CPB2: variants seen among roughly 807,000 people sequenced by gnomAD.
The protein encoded by CPB2 is carboxypeptidase B2.
Under a neutral mutation model 57.0 loss-of-function variants are expected in CPB2, and 54 were observed. The observed-to-expected ratio is 0.95, with a 90% confidence interval of 0.76 to 1.19. The LOEUF (loss-of-function observed/expected upper bound fraction) is 1.19, where lower values mean the gene tolerates loss of function less well. Among genes scored for constraint, CPB2 ranks in the 50% most tolerant of loss-of-function variants. The pLI, the probability that CPB2 is intolerant of heterozygous loss-of-function variation, is 0.00. For missense variants in CPB2, 426 were observed against 512.0 expected (o/e 0.83, Z 1.62); for synonymous variants, 189 against 178.1 (o/e 1.06, Z -0.49).
chr13:46,069,296 C>T (rs777556629), intron 6 of CPB2, among the ~76,000 whole-genome samples: 3 of 152,178 alleles, frequency 2.0e-5, no homozygotes, highest in African/African-American at 4.8e-5. Context: ...GCTACAATCC[C>T]GAAGGAAGGG....
Position 46,058,207 on chromosome 13 carries a change from C to T in CPB2, c.971G>A (p.Arg324Gln), listed in dbSNP as rs376421547. 1.5e-5 allele frequency: 24 copies of T among 1,613,628 alleles called. No individual in the cohort carries two copies. Among genetic ancestry groups the T allele is most frequent in the African/African-American group, 6.7e-5 (5 of 74,878 alleles). Residue 324 changes from arginine to glutamine, a missense_variant, in exon 9 of 11, where the codon CGA (arginine) becomes CAA (glutamine). By Grantham distance (43) the Arg-to-Gln change is conservative (BLOSUM62 1). Coordinates refer to ENST00000181383, the MANE Select transcript of CPB2 (RefSeq NM_001872.5). ...TTCCTCATGGTCTTTGCTTTTACTTCGTGTATAGGAATATGGAAACACTAT... is the reference window on the plus strand; with the variant it reads ...TTCCTCATGGTCTTTGCTTTTACTTTGTGTATAGGAATATGGAAACACTAT... ...QHIVFPYSYT[R>Q]SKSKDHEELS...
intron 1 of CPB2, among the ~76,000 whole-genome samples, chr13:46,093,683 A>G (rs945713656): frequency 5.3e-5 from 8 of 152,238 alleles, no homozygotes; most frequent in African/African-American, 1.9e-4. Flanking sequence ...TGTTAAAATC[A>G]GGAGAAAATT....
chr13:46,098,400 A>T (rs558294800), intron 1 of CPB2: 1 of 152,360 alleles, frequency 6.6e-6, no homozygotes, highest in South Asian at 2.1e-4. Context: ...TCCTTTAGGA[A>T]GAGGGACCAA....
chr13:46,089,627 C>A (rs987375775), intron 1 of CPB2, among the ~76,000 whole-genome samples: 4 of 152,100 alleles, frequency 2.6e-5, no homozygotes, highest in Admixed American at 2.0e-4. Flanking sequence ...GAAATCCTAA[C>A]CTCCAAGGTA....
chr13:46,061,495 T>G (rs2044771878), intron 8 of CPB2, among the ~76,000 whole-genome samples: 1 of 152,142 alleles, frequency 6.6e-6, no homozygotes, highest in South Asian at 2.1e-4. Flanking sequence ...GGGGCTCTAA[T>G]CCAATGTGAC....
chr13:46,055,705 C>A, intron 10 of CPB2, 57 bp downstream of exon 10: 1 of 1,015,638 alleles, frequency 9.8e-7, no homozygotes, highest in Non-Finnish European at 1.5e-6. Flanking sequence ...AAAAACAGAT[C>A]ACACAGATTT....
At chr13:46,066,959 G>T (rs2044865085) in intron 7 of CPB2, among the ~76,000 whole-genome samples, 1 of 150,408 alleles carries the variant, frequency 6.6e-6, no homozygotes, top group Non-Finnish European at 1.5e-5. Context: ...TTTTTTCAGA[G>T]TTCTTTTTTT....
chr13:46,085,893 C>T (rs561644322), intron 2 of CPB2, among the ~76,000 whole-genome samples: 4 of 152,350 alleles, frequency 2.6e-5, no homozygotes, highest in African/African-American at 9.6e-5. Context: ...CTGCACTCAT[C>T]TCGTGCTACT....
At chr13:46,080,153 C>T (rs1011497578) in intron 4 of CPB2, among the ~76,000 whole-genome samples, 1 of 152,200 alleles carries the variant, frequency 6.6e-6, no homozygotes, top group African/African-American at 2.4e-5. Flanking sequence ...AATAATGTAA[C>T]ATCCTTTGAA....
intron 6 of CPB2, among the ~76,000 whole-genome samples, chr13:46,072,427 A>G (rs576439803): frequency 1.3e-5 from 2 of 152,236 alleles, no homozygotes; most frequent in South Asian, 4.2e-4. Context: ...TGGAGTTTAA[A>G]TGTCGATTTA....
At chr13:46,074,440 G>C (rs1157251075) in intron 5 of CPB2, among the ~76,000 whole-genome samples, 2 of 151,922 alleles carry the variant, frequency 1.3e-5, no homozygotes, top group African/African-American at 4.8e-5. Flanking sequence ...TTTTTATGTG[G>C]ATTATTTCTT....
chr13:46,092,746 T>C (rs944468378), intron 1 of CPB2, among the ~76,000 whole-genome samples: 8 of 152,172 alleles, frequency 5.3e-5, no homozygotes, highest in Non-Finnish European at 1.0e-4. Context: ...GAATGGGAGC[T>C]AAACAGAAAT....
chr13:46,071,340 A>C (rs2044939824), intron 6 of CPB2, among the ~76,000 whole-genome samples: 1 of 152,306 alleles, frequency 6.6e-6, no homozygotes, highest in South Asian at 2.1e-4. Flanking sequence ...GGAAATTAAG[A>C]AGTTACATTG....
At position 46,064,639 on chromosome 13, in the gene CPB2, A is replaced by G. The variant is rs1473127399; in HGVS notation, c.796+9T>C. 6.2e-7 allele frequency: 1 copy of G among 1,611,786 alleles called. No homozygotes were observed. Among genetic ancestry groups the G allele is most frequent in the Admixed American group, 1.7e-5 (1 of 60,006 alleles). On this transcript the variant is annotated intron_variant, in intron 8 of 10. Coordinates refer to ENST00000181383, the MANE Select transcript of CPB2 (RefSeq NM_001872.5). ...AGAGACATTGCAAGAAATAAAGCCAACAACCTACCACACCAGTGTTTGGAA... is the reference window on the plus strand; with the variant it reads ...AGAGACATTGCAAGAAATAAAGCCAGCAACCTACCACACCAGTGTTTGGAA...
intron 1 of CPB2, among the ~76,000 whole-genome samples, chr13:46,089,524 A>G (rs967887111): frequency 2.6e-5 from 4 of 152,186 alleles, no homozygotes; most frequent in Admixed American, 1.3e-4. Flanking sequence ...GAAGGAGAGC[A>G]CCAGGGAGAG....
chr13:46,056,561 A>G (rs543942351), intron 9 of CPB2, among the ~76,000 whole-genome samples: 22 of 152,338 alleles, frequency 1.4e-4, no homozygotes, highest in African/African-American at 4.8e-4. Flanking sequence ...ATGCCATCTC[A>G]TTGTTCAAAA....
chr13:46,104,834 G>C lies in CPB2; in HGVS notation c.74+102C>G, dbSNP rs557182139. On this transcript the variant is annotated intron_variant, in intron 1 of 10. Transcript: ENST00000181383. ...AGTTCTGAAAGACCTGGCCTTCAAA[G>C]TTTACCATTTTGTCCACCAGCTCAG... 705 of 1,401,070 alleles carry C rather than the reference G, an allele frequency of 5.0e-4. 1 individual carries two copies. The highest frequency in any genetic ancestry group is 6.7e-4 in the Non-Finnish European group (674 of 1,009,550). The allele number at this position is 1,401,070 out of a possible 1,614,324, so 86.8% of individuals were successfully genotyped here.
At chr13:46,074,741 A>C (rs1308777568) in intron 5 of CPB2, among the ~76,000 whole-genome samples, 1 of 152,152 alleles carries the variant, frequency 6.6e-6, no homozygotes. Context: ...CATGGAAGAC[A>C]ATTTTTCCAT....
In CPB2 at chr13:46,053,410, T is replaced by A. The variant is rs905770998; in HGVS notation, c.*204A>T. ...AAAGTAGGTAACTAGACTTTTACAATTTTTTTTAAAGGGTAAAAAGACATG... is the reference window on the plus strand; with the variant it reads ...AAAGTAGGTAACTAGACTTTTACAAATTTTTTTAAAGGGTAAAAAGACATG... On this transcript the variant is annotated 3_prime_UTR_variant, in exon 11 of 11. Coordinates refer to ENST00000181383, the MANE Select transcript of CPB2 (RefSeq NM_001872.5). The A allele has an allele frequency of 6.5e-5, 43 of 657,924 alleles. No individual in the cohort carries two copies. Among genetic ancestry groups the A allele is most frequent in the Non-Finnish European group, 9.5e-5 (43 of 454,900 alleles). The allele number at this position is 657,924 out of a possible 1,614,324, so 40.8% of individuals were successfully genotyped here. A position where few individuals can be genotyped will look rare whatever the true frequency, so the allele number is the denominator to read the frequency against.
Sources: gnomAD v4.1 joint callset for allele counts (sites outside exome capture counted in the v4.1 genomes callset) on GRCh38, gnomAD v4.1.1 for gene constraint, MANE v1.5 for transcripts, NCBI Gene and HGNC (gene_info 2026-07-23, HGNC 2026-07-21) for gene names.